The following TOM1L2 variants were observed in gnomAD, a reference collection of about 807,000 sequenced individuals.
TOM1L2 encodes the protein target of myb1 like 2 membrane trafficking protein.
Under a neutral mutation model 67.9 loss-of-function variants are expected in TOM1L2, and 31 were observed. That is an observed-to-expected ratio of 0.46 (90% CI 0.34 to 0.62). The LOEUF (loss-of-function observed/expected upper bound fraction) is 0.62, where lower values mean the gene tolerates loss of function less well. Among genes scored for constraint, TOM1L2 ranks in the 20% least tolerant of loss-of-function variants. The probability of loss-of-function intolerance (pLI) is 0.01; values close to 1 mark genes in which losing one functional copy is unlikely to be tolerated. For synonymous variants in TOM1L2, 256 were observed against 254.0 expected (o/e 1.01, Z -0.07); for missense variants, 606 against 663.5 (o/e 0.91, Z 0.95).
chr17:17,884,007 C>A (rs2037864521), intron 5 of TOM1L2, among the ~76,000 whole-genome samples: 1 of 152,112 alleles, frequency 6.6e-6, no homozygotes, highest in South Asian at 2.1e-4. Flanking sequence ...TGAGGCATGA[C>A]CTACATGCTT....
In TOM1L2 at chr17:17,866,329, G is replaced by C; in HGVS notation, c.1051C>G (p.Pro351Ala). The change falls in exon 10 of 15, where the codon CCA becomes GCA. Residue 351 changes from proline to alanine, a missense_variant. By Grantham distance (27) the Pro-to-Ala change is conservative. This residue lies in a region of TOM1L2 where 543 missense variants were observed against 554.0 expected (regional missense o/e 0.98). Coordinates refer to ENST00000379504, the MANE Select transcript of TOM1L2 (RefSeq NM_001082968.2). Reference sequence around the variant, plus strand: ...GCAAGCTGGGAGGAGAGGGAAGATGGGGGCGCTGTGTTCCCCACCATTGGG... The same window carrying C: ...GCAAGCTGGGAGGAGAGGGAAGATGCGGGCGCTGTGTTCCCCACCATTGGG... ...VSPMVGNTAP[P>A]SSLSSQLAGL... 1 of 1,612,706 alleles carries C rather than the reference G, an allele frequency of 6.2e-7. No homozygotes were observed. The highest frequency in any genetic ancestry group is 8.5e-7 in the Non-Finnish European group (1 of 1,179,466).
intron 13 of TOM1L2, chr17:17,849,085 A>T (rs1220006765): frequency 1.8e-6 from 1 of 561,142 alleles, no homozygotes; most frequent in Non-Finnish European, 3.2e-6. Flanking sequence ...AAATTCAAAC[A>T]TGTTTTAGGT....
At chr17:17,966,197 T>G (rs113942143) in intron 1 of TOM1L2, among the ~76,000 whole-genome samples, 9 of 152,166 alleles carry the variant, frequency 5.9e-5, no homozygotes, top group African/African-American at 1.9e-4. Flanking sequence ...AGGTCACCCC[T>G]CCCCTCCTAC....
chr17:17,961,757 A>C (rs1203485516), intron 1 of TOM1L2, among the ~76,000 whole-genome samples: 1 of 152,004 alleles, frequency 6.6e-6, no homozygotes, highest in African/African-American at 2.4e-5. Flanking sequence ...CTGTAGTCCC[A>C]GCTACTCGGG....
At chr17:17,923,675 G>A (rs58957900) in intron 1 of TOM1L2, among the ~76,000 whole-genome samples, 7,892 of 151,998 alleles carry the variant, frequency 0.052, 580 homozygotes, top group African/African-American at 0.16. Flanking sequence ...GGGCAAGAGG[G>A]TGAGACCCCA....
chr17:17,851,404 G>C (rs1012054649), intron 12 of TOM1L2: 1 of 248,060 alleles, frequency 4.0e-6, no homozygotes, highest in African/African-American at 2.3e-5. Context: ...TGCCCAGAGC[G>C]GGGTACAGGT....
At chr17:17,901,137 C>T (rs1451289921) in intron 2 of TOM1L2, among the ~76,000 whole-genome samples, 1 of 152,046 alleles carries the variant, frequency 6.6e-6, no homozygotes, top group Non-Finnish European at 1.5e-5. Flanking sequence ...AAGTACTGGC[C>T]GAGAGTGATG....
intron 1 of TOM1L2, among the ~76,000 whole-genome samples, chr17:17,954,255 C>T (rs866029528): frequency 2.6e-5 from 4 of 151,160 alleles, no homozygotes; most frequent in Non-Finnish European, 2.9e-5. Context: ...AGAGAAAAGA[C>T]GGGAAGAAGC....
At chr17:17,875,921 C>T (rs986201370) in intron 7 of TOM1L2, among the ~76,000 whole-genome samples, 3 of 152,216 alleles carry the variant, frequency 2.0e-5, no homozygotes, top group Non-Finnish European at 4.4e-5. Flanking sequence ...GAGAAAATGG[C>T]CTTGGCCGTT....
intron 1 of TOM1L2, among the ~76,000 whole-genome samples, chr17:17,928,758 CAG>C (rs2144679259): frequency 1.3e-5 from 2 of 152,286 alleles, no homozygotes; most frequent in Admixed American, 1.3e-4. Flanking sequence ...GTGTGTCAAA[CAG>C]AATAGAACAT....
At chr17:17,892,005 G>A (rs1002758405) in intron 4 of TOM1L2, among the ~76,000 whole-genome samples, 1 of 152,182 alleles carries the variant, frequency 6.6e-6, no homozygotes, top group Non-Finnish European at 1.5e-5. Flanking sequence ...GGGACAGCAT[G>A]TCCCTGGGTT....
intron 1 of TOM1L2, among the ~76,000 whole-genome samples, chr17:17,919,006 G>A (rs181634161): frequency 2.6e-5 from 4 of 152,280 alleles, no homozygotes; most frequent in African/African-American, 9.6e-5. Context: ...GTTCCCAGCT[G>A]TCCCCGGTTC....
Position 17,884,617 on chromosome 17 carries a change from G to A in TOM1L2, c.501+17C>T, listed in dbSNP as rs1371914284. The stretch of plus-strand genomic sequence containing the variant: ...TCTGCAGTAGGTCTTTCTAGAAAGT[G>A]CCAGCTGGAAGCTTACCCGCTGTGG... On this transcript the variant is annotated intron_variant, in intron 5 of 14. Transcript: ENST00000379504. 1 of 1,613,614 alleles carries A rather than the reference G, an allele frequency of 6.2e-7. No homozygotes were observed. Among genetic ancestry groups the A allele is most frequent in the Admixed American group, 1.7e-5 (1 of 59,990 alleles).
At chr17:17,964,349 T>C (rs1271814398) in intron 1 of TOM1L2, among the ~76,000 whole-genome samples, 2 of 152,218 alleles carry the variant, frequency 1.3e-5, no homozygotes, top group Admixed American at 1.3e-4. Flanking sequence ...ATTTACACCG[T>C]TTTCCTTTCC....
intron 1 of TOM1L2, among the ~76,000 whole-genome samples, chr17:17,929,175 C>T (rs568884510): frequency 1.3e-5 from 2 of 152,330 alleles, no homozygotes; most frequent in East Asian, 3.9e-4. Flanking sequence ...ACTGTGGCTG[C>T]TCAGCAGCGT....
In TOM1L2 at chr17:17,857,726, G is replaced by A. The variant is rs1054921666; in HGVS notation, c.1278+3750C>T. ...GACATGAGCTGTTACACAGGTAGGGGCTGGGGTGGACAGCAGGCTTGGCTC... is the reference window on the plus strand; with the variant it reads ...GACATGAGCTGTTACACAGGTAGGGACTGGGGTGGACAGCAGGCTTGGCTC... On this transcript the variant is annotated intron_variant, in intron 12 of 14. Coordinates refer to ENST00000379504, the MANE Select transcript of TOM1L2 (RefSeq NM_001082968.2). 1.7e-5 allele frequency: 25 copies of A among 1,497,112 alleles called. No homozygotes were observed. In the African/African-American group the frequency reaches 2.5e-4, roughly 15 times the overall value. The allele number at this position is 1,497,112 out of a possible 1,614,324, so 92.7% of individuals were successfully genotyped here. A position where few individuals can be genotyped will look rare whatever the true frequency, so the allele number is the denominator to read the frequency against.
chr17:17,936,606 G>A (rs2040523586), intron 1 of TOM1L2, among the ~76,000 whole-genome samples: 1 of 152,154 alleles, frequency 6.6e-6, no homozygotes, highest in African/African-American at 2.4e-5. Flanking sequence ...TCCAACATTA[G>A]AGGAATGGTA....
rs563816504 is a variant in TOM1L2 at position 17,940,855 on chromosome 17, T to C, written c.52+31407A>G. 2.6e-5 allele frequency among the ~76,000 whole-genome samples: 4 copies of C among 152,320 alleles called. No individual in the cohort carries two copies. In the East Asian group the frequency reaches 7.7e-4, roughly 29 times the overall value. The stretch of plus-strand genomic sequence containing the variant: ...TGTGGGTCAGTCTCATAAATTGTTT[T>C]CTTGGCTGGATCCCAAGAAAGCCAG... On this transcript the variant is annotated intron_variant, in intron 1 of 14. Transcript: ENST00000379504.
At chr17:17,945,539 G>A (rs1418515600) in intron 1 of TOM1L2, among the ~76,000 whole-genome samples, 1 of 152,100 alleles carries the variant, frequency 6.6e-6, no homozygotes, top group Non-Finnish European at 1.5e-5. Flanking sequence ...CCCTCTCTTA[G>A]GGAGACCCAC....
Sources: gnomAD v4.1 joint callset for allele counts (sites outside exome capture counted in the v4.1 genomes callset) on GRCh38, gnomAD v4.1.1 for gene constraint, gnomAD v4.1.1 regional missense constraint, MANE v1.5 for transcripts, NCBI Gene and HGNC (gene_info 2026-07-23, HGNC 2026-07-21) for gene names.